Variants in REC114 observed in about 807,000 individuals in gnomAD.
The protein encoded by REC114 is meiotic recombination protein REC114.
REC114 carries 27 observed loss-of-function variants against 31.3 expected under a neutral mutation model. That is an observed-to-expected ratio of 0.86 (90% confidence interval 0.64 to 1.19). The LOEUF (loss-of-function observed/expected upper bound fraction) is 1.19. REC114 is among the 50% of genes most tolerant of loss of function. REC114 has a pLI of 0.00. For missense variants in REC114, 344 were observed against 326.9 expected, an observed-to-expected ratio of 1.05 and a Z score of -0.40; for synonymous variants, 134 against 127.7, an observed-to-expected ratio of 1.05 and a Z score of -0.33.
chr15:73,474,324 T>C (rs1375503262), intron 2 of REC114, among the ~76,000 whole-genome samples: 1 of 152,250 alleles, frequency 6.6e-6, no homozygotes, highest in African/African-American at 2.4e-5. Flanking sequence ...GATAGCGTCC[T>C]CTATAAAACT....
chr15:73,538,548 C>T (rs1249936662), intron 2 of REC114, among the ~76,000 whole-genome samples: 1 of 150,702 alleles, frequency 6.6e-6, no homozygotes, highest in Non-Finnish European at 1.5e-5. Context: ...GCTTTGCCTC[C>T]CGGGTTCACG....
At chr15:73,549,194 G>A (rs1894355046) in intron 3 of REC114, among the ~76,000 whole-genome samples, 1 of 152,116 alleles carries the variant, frequency 6.6e-6, no homozygotes, top group African/African-American at 2.4e-5. Context: ...AAAAAATTAT[G>A]AGATCTTGTT....
In REC114 at chr15:73,500,400, AAG is replaced by A. The variant is rs144881052; in HGVS notation, c.249+26482_249+26483del. Among the ~76,000 whole-genome samples the A allele has an allele frequency of 5.6e-3, 851 of 152,234 alleles. 5 individuals are homozygous for A. The highest frequency in any genetic ancestry group is 0.02 in the African/African-American group (810 of 41,522). ...TCCCCAAAGAAACCAGATACGACAAAAGAGTGTGTTATGTATGCACATGTGCA... is the reference window on the plus strand; with the variant it reads ...TCCCCAAAGAAACCAGATACGACAAAAGTGTGTTATGTATGCACATGTGCA... On this transcript the variant is annotated intron_variant, in intron 2 of 5. Transcript: ENST00000331090.
intron 1 of REC114, 23 bp downstream of exon 1, chr15:73,443,367 T>C (rs1177290131): frequency 6.4e-7 from 1 of 1,550,996 alleles, no homozygotes; most frequent in African/African-American, 1.4e-5. Flanking sequence ...GGCAGGAATA[T>C]CCCTGAGGTG....
In REC114 at chr15:73,443,259, G is replaced by T. The variant is rs1360782137; in HGVS notation, c.74G>T (p.Arg25Leu). Residue 25 changes from arginine to leucine, a missense_variant, in exon 1 of 6, where the codon CGG (arginine) becomes CTG (leucine). Physicochemically the swap from Arg to Leu is moderately radical, Grantham distance 102. Transcript: ENST00000331090. ...GAAGCGGCAGAGTGGCCTCTGCAGC[G>T]GTACGCCCGCTGCATACCCTCAAAC... ...GGEAAEWPLQ[R>L]YARCIPSNTR... 6.4e-7 allele frequency: 1 copy of T among 1,573,840 alleles called. No homozygotes were observed. Among genetic ancestry groups the T allele is most frequent in the Admixed American group, 1.9e-5 (1 of 53,548 alleles).
At chr15:73,471,571 G>T (rs1367525691) in intron 1 of REC114, among the ~76,000 whole-genome samples, 1 of 152,034 alleles carries the variant, frequency 6.6e-6, no homozygotes, top group Non-Finnish European at 1.5e-5. Context: ...TGTTGATTGG[G>T]TGATTAAATG....
At chr15:73,539,577 A>G (rs1411818783) in intron 2 of REC114, among the ~76,000 whole-genome samples, 1 of 146,024 alleles carries the variant, frequency 6.8e-6, no homozygotes, top group Non-Finnish European at 1.5e-5. Context: ...AGGCAGAGGG[A>G]TTTTGTGAGG....
At chr15:73,498,399 T>C (rs1893557539) in intron 2 of REC114, among the ~76,000 whole-genome samples, 1 of 151,964 alleles carries the variant, frequency 6.6e-6, no homozygotes, top group South Asian at 2.1e-4. Flanking sequence ...TTATGTTTTA[T>C]TTTGTCTTTG....
chr15:73,486,268 T>G lies in REC114; in HGVS notation c.249+12347T>G, dbSNP rs142948629. Among the ~76,000 whole-genome samples, 1,329 of 152,254 alleles carry G rather than the reference T, an allele frequency of 8.7e-3. 20 individuals are homozygous for G. The highest frequency in any genetic ancestry group is 0.03 in the African/African-American group (1,251 of 41,560). On this transcript the variant is annotated intron_variant, in intron 2 of 5. Transcript: ENST00000331090. ...ACGCACCACCATGCCCAGCTAATTT[T>G]TGTATTTTTGGTAGAGACAGGGTTT...
intron 2 of REC114, among the ~76,000 whole-genome samples, chr15:73,477,601 A>G (rs529190595): frequency 5.3e-5 from 8 of 152,168 alleles, no homozygotes; most frequent in Admixed American, 4.6e-4. Flanking sequence ...TAGTTTTTGT[A>G]GAGACAGGAT....
intron 2 of REC114, among the ~76,000 whole-genome samples, chr15:73,507,054 A>G (rs1484239515): frequency 1.3e-5 from 2 of 152,294 alleles, no homozygotes; most frequent in South Asian, 2.1e-4. Flanking sequence ...TCTGCATGGA[A>G]AAAATACCAT....
At chr15:73,503,915 T>C (rs1243406972) in intron 2 of REC114, among the ~76,000 whole-genome samples, 1 of 152,026 alleles carries the variant, frequency 6.6e-6, no homozygotes, top group Non-Finnish European at 1.5e-5. Context: ...GCTTTTGTTG[T>C]ATATAAGTTT....
intron 4 of REC114, among the ~76,000 whole-genome samples, chr15:73,554,733 CTA>C (rs1894439205): frequency 6.6e-6 from 1 of 152,216 alleles, no homozygotes; most frequent in South Asian, 2.1e-4. Context: ...TCTTCCATCT[CTA>C]TGCTGTTGCA....
intron 2 of REC114, among the ~76,000 whole-genome samples, chr15:73,514,200 C>T (rs9707918): frequency 2.6e-5 from 4 of 151,282 alleles, no homozygotes; most frequent in East Asian, 3.9e-4. Context: ...GGGAGTGACC[C>T]GATTTTCCAG....
At chr15:73,524,621 A>G (rs1893981121) in intron 2 of REC114, among the ~76,000 whole-genome samples, 1 of 152,064 alleles carries the variant, frequency 6.6e-6, no homozygotes, top group Admixed American at 6.6e-5. Context: ...TTTTGGAGAC[A>G]GAGTCTCACT....
intron 2 of REC114, among the ~76,000 whole-genome samples, chr15:73,511,774 T>C (rs1420723228): frequency 6.8e-6 from 1 of 147,382 alleles, no homozygotes; most frequent in East Asian, 2.0e-4. Context: ...TTCTTAATCC[T>C]GAGTTCTAGT....
chr15:73,547,124 G>C (rs1894320556), intron 3 of REC114, among the ~76,000 whole-genome samples: 1 of 152,026 alleles, frequency 6.6e-6, no homozygotes, highest in African/African-American at 2.4e-5. Context: ...CACAGAAGGG[G>C]AGAAAATATT....
intron 3 of REC114, among the ~76,000 whole-genome samples, chr15:73,549,319 A>G (rs1253758164): frequency 2.0e-5 from 3 of 152,230 alleles, no homozygotes; most frequent in Non-Finnish European, 2.9e-5. Context: ...AATCAAAACA[A>G]TTGAACTCGT....
chr15:73,559,627 A>C (rs1894542370), intron 5 of REC114, 125 bp from the exon 6 acceptor site: 1 of 775,732 alleles, frequency 1.3e-6, no homozygotes, highest in South Asian at 2.7e-5. Context: ...TGTAAAGCTA[A>C]TTAACACTAA....
Sources: gnomAD v4.1 joint callset for allele counts (sites outside exome capture counted in the v4.1 genomes callset) on GRCh38, gnomAD v4.1.1 for gene constraint, MANE v1.5 for transcripts, NCBI Gene and HGNC (gene_info 2026-07-23, HGNC 2026-07-21) for gene names.